Variants in CCDC192 observed in about 807,000 individuals in gnomAD.
CCDC192 encodes coiled-coil domain containing 192, also known as coiled-coil domain-containing protein 192.
intron 5 of CCDC192, among the ~76,000 whole-genome samples, chr5:127,846,592 C>T (rs947198874): frequency 1.3e-5 from 2 of 151,950 alleles, no homozygotes; most frequent in Non-Finnish European, 2.9e-5. Flanking sequence ...GCCTCAGCCT[C>T]CCGAGCAGCT....
At chr5:127,750,457 G>A (rs1233858628) in intron 2 of CCDC192, among the ~76,000 whole-genome samples, 12 of 152,006 alleles carry the variant, frequency 7.9e-5, no homozygotes, top group Non-Finnish European at 1.5e-4. Flanking sequence ...GTTCTAGTTT[G>A]ATTGCACTGT....
intron 3 of CCDC192, among the ~76,000 whole-genome samples, chr5:127,757,349 A>G (rs1754657912): frequency 6.6e-6 from 1 of 152,228 alleles, no homozygotes; most frequent in African/African-American, 2.4e-5. Context: ...TATGATGTGT[A>G]AAAGCACATT....
chr5:127,754,025 T>C (rs1754413409), intron 2 of CCDC192, among the ~76,000 whole-genome samples: 2 of 152,250 alleles, frequency 1.3e-5, no homozygotes, highest in South Asian at 2.1e-4. Flanking sequence ...AATCTAACTT[T>C]CTAAAGCTGT....
chr5:127,756,629 A>C (rs1267648800), intron 3 of CCDC192, among the ~76,000 whole-genome samples: 1 of 152,202 alleles, frequency 6.6e-6, no homozygotes, highest in Non-Finnish European at 1.5e-5. Context: ...CAATTTGGGG[A>C]GGTTCAGCCA....
Position 127,901,675 on chromosome 5 carries a change from T to C in CCDC192, c.535+26014T>C, listed in dbSNP as rs549154268. On this transcript the variant is annotated intron_variant, in intron 6 of 6. Transcript: ENST00000514853. ...AAGAATCTTCTCTTCCTGCTCCCAG[T>C]CAGTCAGGGCTTCTTTACCATTCAT... is the stretch of plus-strand genomic sequence containing the variant. 2.0e-5 allele frequency among the ~76,000 whole-genome samples: 3 copies of C among 152,324 alleles called. No individual in the cohort carries two copies. In the South Asian group the frequency reaches 6.2e-4, roughly 32 times the overall value.
intron 2 of CCDC192, among the ~76,000 whole-genome samples, chr5:127,726,699 C>A (rs973270638): frequency 6.6e-6 from 1 of 152,242 alleles, no homozygotes. Flanking sequence ...TCCTTTCTCA[C>A]TGGTCAGGGC....
At chr5:127,875,862 T>C (rs369538333) in intron 6 of CCDC192, among the ~76,000 whole-genome samples, 69 of 152,012 alleles carry the variant, frequency 4.5e-4, no homozygotes, top group African/African-American at 1.6e-3. Context: ...ATAAGCGGTT[T>C]GCTCGTTAAG....
chr5:127,895,612 G>A (rs573159946), intron 6 of CCDC192, among the ~76,000 whole-genome samples: 1 of 152,278 alleles, frequency 6.6e-6, no homozygotes, highest in East Asian at 1.9e-4. Flanking sequence ...GGCCGAGGTG[G>A]GTGGATCACT....
chr5:127,852,429 G>GTA (rs2127086817), intron 5 of CCDC192, among the ~76,000 whole-genome samples: 1 of 152,320 alleles, frequency 6.6e-6, no homozygotes, highest in South Asian at 2.1e-4. Flanking sequence ...CATGGGGGAA[G>GTA]TATTGGCTGT....
intron 6 of CCDC192, among the ~76,000 whole-genome samples, chr5:127,886,544 T>C (rs1271680254): frequency 6.6e-6 from 1 of 152,234 alleles, no homozygotes; most frequent in East Asian, 1.9e-4. Context: ...ATTTATCTAC[T>C]TAATGGATAC....
chr5:127,928,596 T>A (rs967612777), intron 6 of CCDC192, among the ~76,000 whole-genome samples: 1 of 152,230 alleles, frequency 6.6e-6, no homozygotes, highest in Admixed American at 6.5e-5. Context: ...CGGGGATATC[T>A]TAGGGGCGTA....
intron 5 of CCDC192, among the ~76,000 whole-genome samples, chr5:127,859,851 A>G (rs1751281858): frequency 6.6e-6 from 1 of 152,146 alleles, no homozygotes; most frequent in African/African-American, 2.4e-5. Flanking sequence ...TTTTACACAT[A>G]TGTATTTCCA....
In CCDC192 at chr5:127,797,138, T is replaced by C; in HGVS notation, c.258T>C (p.Leu86=). 2 of 398,354 alleles carry C rather than the reference T, an allele frequency of 5.0e-6. No homozygotes were observed. The highest frequency in any genetic ancestry group is 8.9e-6 in the Non-Finnish European group (2 of 225,602). The allele number at this position is 398,354 out of a possible 1,614,324, so 24.7% of individuals were successfully genotyped here. ...CTGAAGGAACAAAATCAAAACTGCT[T>C]GAACAAGTATCCCGGCTGGAGGAAA... ...SVSEGTKSKL[L]EQVSRLEEKL... Residue 86 remains leucine, a synonymous_variant, in exon 4 of 7, where the codon CTT becomes CTC. Transcript: ENST00000514853.
At chr5:127,714,575 GTAGAGA>G (rs1751516352) in intron 2 of CCDC192, among the ~76,000 whole-genome samples, 1 of 152,022 alleles carries the variant, frequency 6.6e-6, no homozygotes, top group Non-Finnish European at 1.5e-5. Flanking sequence ...TTTTTTTTAA[GTAGAGA>G]TAGAGTTTCA....
chr5:127,901,369 A>T (rs1258529301), intron 6 of CCDC192, among the ~76,000 whole-genome samples: 1 of 152,156 alleles, frequency 6.6e-6, no homozygotes, highest in Non-Finnish European at 1.5e-5. Flanking sequence ...TTAGGCAGTT[A>T]TTACCAAACC....
At position 127,895,974 on chromosome 5, in the gene CCDC192, G is replaced by T. The variant is rs184286390; in HGVS notation, c.535+20313G>T. Reference sequence around the variant, plus strand: ...ATAATTTTTTAAAATCTCTAAATTGGCTTTATTTGAATCTTTAATGTTAAC... The same window carrying T: ...ATAATTTTTTAAAATCTCTAAATTGTCTTTATTTGAATCTTTAATGTTAAC... On this transcript the variant is annotated intron_variant, in intron 6 of 6. Transcript: ENST00000514853. 3.1e-3 allele frequency among the ~76,000 whole-genome samples: 472 copies of T among 152,218 alleles called. 2 individuals are homozygous for T. Among genetic ancestry groups the T allele is most frequent in the African/African-American group, 0.011 (453 of 41,546 alleles).
At chr5:127,811,690 C>T (rs10051423) in intron 5 of CCDC192, among the ~76,000 whole-genome samples, 39,545 of 152,062 alleles carry the variant, frequency 0.26, 5,662 homozygotes, top group Middle Eastern at 0.35. Context: ...ATATCTTTTA[C>T]TCCCCAGTGA....
Position 127,776,581 on chromosome 5 carries a change from C to G in CCDC192, c.223-20522C>G, listed in dbSNP as rs138516909. Among the ~76,000 whole-genome samples the G allele has an allele frequency of 1.7e-3, 260 of 152,318 alleles. 1 individual carries two copies. The highest frequency in any genetic ancestry group is 6.0e-3 in the African/African-American group (250 of 41,564). On this transcript the variant is annotated intron_variant, in intron 3 of 6. Coordinates refer to ENST00000514853, the MANE Select transcript of CCDC192 (RefSeq NM_001317938.2). The stretch of plus-strand genomic sequence containing the variant: ...AAGTAATGAGGAGCCAAATGTTAAT[C>G]ATCAAGATGTTGGAGAAAATGTCTC...
At chr5:127,719,183 C>T (rs1029735904) in intron 2 of CCDC192, among the ~76,000 whole-genome samples, 1 of 152,168 alleles carries the variant, frequency 6.6e-6, no homozygotes, top group East Asian at 1.9e-4. Flanking sequence ...TTTCACTTAA[C>T]ATAATGTCCT....
Sources: gnomAD v4.1 joint callset for allele counts (sites outside exome capture counted in the v4.1 genomes callset) on GRCh38, gnomAD v4.1.1 for gene constraint, MANE v1.5 for transcripts, NCBI Gene and HGNC (gene_info 2026-07-23, HGNC 2026-07-21) for gene names.